Variants in TMED10 observed in about 807,000 individuals in gnomAD.
The protein encoded by TMED10 is transmembrane emp24 domain-containing protein 10.
A neutral mutation model predicts 23.1 loss-of-function variants in TMED10; 7 were observed. The ratio of observed to expected loss-of-function variants is 0.30; its 90% CI spans 0.17 to 0.57. The LOEUF (loss-of-function observed/expected upper bound fraction) is 0.57, where lower values mean the gene tolerates loss of function less well. Ranked by LOEUF, TMED10 falls within the 20% of genes least tolerant of loss-of-function variation. The probability of loss-of-function intolerance (pLI) is 0.91; values close to 1 mark genes in which losing one functional copy is unlikely to be tolerated. For missense variants in TMED10, 162 were observed against 274.8 expected (o/e 0.59, Z 2.90); for synonymous variants, 113 against 106.9 (o/e 1.06, Z -0.35).
chr14:75,135,450 A>G (rs539937929), intron 4 of TMED10, among the ~76,000 whole-genome samples: 1 of 152,298 alleles, frequency 6.6e-6, no homozygotes, highest in East Asian at 1.9e-4. Flanking sequence ...AAAAATAAGT[A>G]AATAAATAAA....
rs4649 is a variant in TMED10, at chr14:75,134,960, G to A, written c.585C>T (p.Phe195=). The A allele has an allele frequency of 0.053, 85,923 of 1,613,890 alleles. 2,614 individuals are homozygous for A. The highest frequency in any genetic ancestry group is 0.11 in the African/African-American group (7,903 of 74,984). The change falls in exon 5 of 5, where the codon TTC becomes TTT. Residue 195 remains phenylalanine, a synonymous_variant. Coordinates refer to ENST00000303575, the MANE Select transcript of TMED10 (RefSeq NM_006827.6). ...GCCAGGTAGCTAGTCCAATGAGACA[G>A]AACATTGAAAAGATGCTGAAGTATA... The part of the protein sequence containing the change: ...RVLYFSIFSM[F]CLIGLATWQV...
In TMED10 at chr14:75,134,850, G is replaced by T; in HGVS notation, c.*35C>A. 1 of 1,612,362 alleles carries T rather than the reference G, an allele frequency of 6.2e-7. No individual in the cohort carries two copies. Among genetic ancestry groups the T allele is most frequent in the Non-Finnish European group, 8.5e-7 (1 of 1,178,960 alleles). ...ACGTCCCAGCGATGTTCTGCTGGCT[G>T]AGGTACAAGGTGGGAGGAGAATATG... On this transcript the variant is annotated 3_prime_UTR_variant, in exon 5 of 5. Coordinates refer to ENST00000303575, the MANE Select transcript of TMED10 (RefSeq NM_006827.6).
At chr14:75,151,686 T>C (rs1208692645) in intron 2 of TMED10, among the ~76,000 whole-genome samples, 1 of 152,234 alleles carries the variant, frequency 6.6e-6, no homozygotes, top group Non-Finnish European at 1.5e-5. Context: ...TGAACCTACA[T>C]GGACACATCA....
At chr14:75,172,962 G>C (rs1398729385) in intron 1 of TMED10, among the ~76,000 whole-genome samples, 1 of 152,184 alleles carries the variant, frequency 6.6e-6, no homozygotes, top group African/African-American at 2.4e-5. Context: ...AAGCAGTGGT[G>C]AGGACAATGA....
At chr14:75,152,280 C>A in intron 1 of TMED10, 137 bp from the exon 2 acceptor site, 1 of 660,548 alleles carries the variant, frequency 1.5e-6, no homozygotes, top group South Asian at 2.1e-5. Flanking sequence ...CCAACCATCC[C>A]CAAAGACAAA....
intron 1 of TMED10, among the ~76,000 whole-genome samples, chr14:75,173,706 A>G (rs1896264789): frequency 6.6e-6 from 1 of 152,150 alleles, no homozygotes; most frequent in Non-Finnish European, 1.5e-5. Flanking sequence ...GTGTGTGCAC[A>G]AAGTCCTGCT....
chr14:75,152,504 G>C (rs1895967083), intron 1 of TMED10, among the ~76,000 whole-genome samples: 1 of 152,084 alleles, frequency 6.6e-6, no homozygotes, highest in Non-Finnish European at 1.5e-5. Flanking sequence ...AATGAAAGTA[G>C]ACAATTATCA....
At chr14:75,145,564 G>A (rs1008659105) in intron 3 of TMED10, among the ~76,000 whole-genome samples, 3 of 152,194 alleles carry the variant, frequency 2.0e-5, no homozygotes, top group Non-Finnish European at 4.4e-5. Flanking sequence ...AAGACAGGCA[G>A]ATCACGAGGT....
intron 1 of TMED10, among the ~76,000 whole-genome samples, chr14:75,174,236 A>G (rs542561549): frequency 3.3e-5 from 5 of 152,326 alleles, no homozygotes; most frequent in African/African-American, 1.2e-4. Flanking sequence ...CATAAACAAA[A>G]ACAGTTCAGA....
At chr14:75,171,298 G>A (rs79089765) in intron 1 of TMED10, among the ~76,000 whole-genome samples, 1 of 126,558 alleles carries the variant, frequency 7.9e-6, no homozygotes, top group Middle Eastern at 4.2e-3. Context: ...TTTTTTTTTT[G>A]AGACAAAGTC....
intron 1 of TMED10, among the ~76,000 whole-genome samples, chr14:75,161,394 G>A (rs1457874635): frequency 6.6e-6 from 1 of 152,152 alleles, no homozygotes; most frequent in Non-Finnish European, 1.5e-5. Context: ...TTGAGCAAAT[G>A]ATATCTGTAA....
chr14:75,139,466 T>C (rs1229900771), intron 3 of TMED10, among the ~76,000 whole-genome samples: 1 of 152,086 alleles, frequency 6.6e-6, no homozygotes, highest in Non-Finnish European at 1.5e-5. Context: ...TTGATTTTAT[T>C]TCCTCAACAA....
At chr14:75,154,292 C>G (rs1008349550) in intron 1 of TMED10, among the ~76,000 whole-genome samples, 3 of 143,080 alleles carry the variant, frequency 2.1e-5, no homozygotes, top group African/African-American at 7.8e-5. Context: ...ATCCCAGCTA[C>G]TTTGGAGGCT....
intron 3 of TMED10, among the ~76,000 whole-genome samples, chr14:75,146,348 A>G (rs1411699247): frequency 6.6e-6 from 1 of 152,230 alleles, no homozygotes; most frequent in Non-Finnish European, 1.5e-5. Flanking sequence ...TTCCCTTCCA[A>G]AGTGCTGTCC....
At chr14:75,153,530 C>T (rs142770273) in intron 1 of TMED10, among the ~76,000 whole-genome samples, 2 of 152,262 alleles carry the variant, frequency 1.3e-5, no homozygotes, top group East Asian at 3.9e-4. Flanking sequence ...TTCTAGAGCA[C>T]GTGGCTGTCT....
At chr14:75,163,552 CAAAAAA>C (rs758185921) in intron 1 of TMED10, among the ~76,000 whole-genome samples, 1,205 of 60,850 alleles carry the variant, frequency 0.02, 17 homozygotes, top group African/African-American at 0.07. Context: ...GACTCCGTAT[CAAAAAA>C]AAAAAAAAAA....
At chr14:75,150,634 A>G (rs1006237721) in intron 2 of TMED10, among the ~76,000 whole-genome samples, 2 of 152,242 alleles carry the variant, frequency 1.3e-5, no homozygotes, top group Admixed American at 6.5e-5. Flanking sequence ...CATGCTTTAC[A>G]GCTTTGTAGC....
chr14:75,149,583 A>G (rs1305168819), intron 2 of TMED10, among the ~76,000 whole-genome samples: 1 of 152,240 alleles, frequency 6.6e-6, no homozygotes, highest in Non-Finnish European at 1.5e-5. Context: ...CAAAACAACT[A>G]TGGTGAAAAT....
intron 3 of TMED10, among the ~76,000 whole-genome samples, chr14:75,141,428 AAGGCTCAAAAGTT>A (rs1324516632): frequency 6.6e-6 from 1 of 152,196 alleles, no homozygotes; most frequent in Non-Finnish European, 1.5e-5. Context: ...TAGCAAATAA[AAGGCTCAAAAGTT>A]AGGCTGAGAC....
Sources: gnomAD v4.1 joint callset for allele counts (sites outside exome capture counted in the v4.1 genomes callset) on GRCh38, gnomAD v4.1.1 for gene constraint, MANE v1.5 for transcripts, NCBI Gene and HGNC (gene_info 2026-07-23, HGNC 2026-07-21) for gene names.